PCGF2: variants seen among roughly 807,000 people sequenced by gnomAD.
PCGF2 encodes the protein polycomb group ring finger 2, also known as polycomb group RING finger protein 2.
PCGF2 carries 8 observed loss-of-function variants against 36.1 expected under a neutral mutation model. The observed-to-expected ratio is 0.22, with a 90% CI of 0.13 to 0.40. The LOEUF (loss-of-function observed/expected upper bound fraction) is 0.40. Ranked by LOEUF, PCGF2 falls within the 10% of genes least tolerant of loss-of-function variation. The pLI, the probability that PCGF2 is intolerant of heterozygous loss-of-function variation, is 1.00. For missense variants in PCGF2, 436 were observed against 475.9 expected, an observed-to-expected ratio of 0.92 and a Z score of 0.78; for synonymous variants, 198 against 191.2, an observed-to-expected ratio of 1.04 and a Z score of -0.29.
chr17:38,738,341 C>T lies in PCGF2; in HGVS notation c.576+12G>A. ...CACAGACACTCATTTTTTGAAAGGC[C>T]CAGGGACCCACCTTGTACTTGCTGG... is the stretch of plus-strand genomic sequence containing the variant. On this transcript the variant is annotated intron_variant, in intron 9 of 10. Transcript: ENST00000620225. 1 of 1,610,374 alleles carries T rather than the reference C, an allele frequency of 6.2e-7. No individual in the cohort carries two copies.
At chr17:38,744,475 C>T (rs1175113094) in intron 2 of PCGF2, among the ~76,000 whole-genome samples, 1 of 152,192 alleles carries the variant, frequency 6.6e-6, no homozygotes, top group Non-Finnish European at 1.5e-5. Context: ...CCTGCCTCAA[C>T]CTCCCAAGTA....
In PCGF2 at chr17:38,739,647, T is replaced by C. The variant is rs1567941299; in HGVS notation, c.148A>G (p.Asn50Asp). 6.2e-7 allele frequency: 1 copy of C among 1,613,936 alleles called. No homozygotes were observed. Among genetic ancestry groups the C allele is most frequent in the Admixed American group, 1.7e-5 (1 of 59,996 alleles). Residue 50 changes from asparagine (N) to aspartate (D), a missense_variant, in exon 4 of 11, where the codon AAC becomes GAC. Coordinates refer to ENST00000620225, the MANE Select transcript of PCGF2 (RefSeq NM_007144.3). This position sits in a 1 kb window ranked among gnomAD's most constrained non-coding sequence, Gnocchi z 4.0. ...ACGTCACACATGGGGCAGTATTTGT[T>C]GGTCTCCAGGTAGCGCACGATGCAG... The part of the protein sequence containing the change: ...KTCIVRYLET[N>D]KYCPMCDVQV...
At chr17:38,745,772 T>TG (rs1258916297) in intron 2 of PCGF2, among the ~76,000 whole-genome samples, 1 of 151,944 alleles carries the variant, frequency 6.6e-6, no homozygotes, top group Non-Finnish European at 1.5e-5. Flanking sequence ...AACCACTCAG[T>TG]GGGCCGCCGT....
chr17:38,736,081 C>G lies in PCGF2; in HGVS notation c.657+9G>C, dbSNP rs1456994587. 1.3e-6 allele frequency: 2 copies of G among 1,564,308 alleles called. No homozygotes were observed. Among genetic ancestry groups the G allele is most frequent in the Non-Finnish European group, 1.7e-6 (2 of 1,152,418 alleles). ...GTCTGCTCCCTGCCCGCCCCACTCG[C>G]TGGCTCACCCGCCGCCAGGGGTAGA... On this transcript the variant is annotated intron_variant, in intron 10 of 10. Coordinates refer to ENST00000620225, the MANE Select transcript of PCGF2 (RefSeq NM_007144.3).
At chr17:38,737,910 CAAAAAAA>C (rs57011839) in intron 9 of PCGF2, among the ~76,000 whole-genome samples, 1 of 89,296 alleles carries the variant, frequency 1.1e-5, no homozygotes, top group Non-Finnish European at 2.1e-5. Context: ...GACTCCATCT[CAAAAAAA>C]AAAAAAAAAA....
Position 38,734,755 on chromosome 17 carries a change from GAGAA to G in PCGF2, c.*464_*467del, listed in dbSNP as rs1906543659. ...GCCAAGATGGGGAGAGAAACGGGGA[GAGAA>G]AGAAACGATTCTAACTGACTCCTAT... On this transcript the variant is annotated 3_prime_UTR_variant, in exon 11 of 11. Transcript: ENST00000620225. 1 of 153,272 alleles carries G rather than the reference GAGAA, an allele frequency of 6.5e-6. No individual in the cohort carries two copies. The highest frequency in any genetic ancestry group is 2.4e-5 in the African/African-American group (1 of 41,460). 9.5% of individuals were successfully genotyped at this position (153,272 alleles called of 1,614,324 possible).
intron 9 of PCGF2, among the ~76,000 whole-genome samples, chr17:38,738,007 G>A (rs1199271704): frequency 6.6e-6 from 1 of 151,670 alleles, no homozygotes; most frequent in East Asian, 1.9e-4. Flanking sequence ...ATTCAAGCTT[G>A]AAAAGCTATG....
At chr17:38,740,170 A>G in intron 3 of PCGF2, 121 bp downstream of exon 3, 2 of 808,772 alleles carry the variant, frequency 2.5e-6, no homozygotes, top group Non-Finnish European at 2.0e-6. Flanking sequence ...TTCCCAGCAG[A>G]CACGTGGGCG....
At chr17:38,744,829 C>T (rs1907437360) in intron 2 of PCGF2, among the ~76,000 whole-genome samples, 1 of 152,346 alleles carries the variant, frequency 6.6e-6, no homozygotes, top group Middle Eastern at 3.4e-3. Flanking sequence ...ATCAGCCCCA[C>T]TCCCTCACTA....
chr17:38,736,503 C>T (rs1906733442), intron 9 of PCGF2, among the ~76,000 whole-genome samples: 1 of 152,150 alleles, frequency 6.6e-6, no homozygotes, highest in Admixed American at 6.5e-5. Flanking sequence ...TGGCTCTCAC[C>T]CCCAGCTGCA....
At chr17:38,741,128 C>G (rs749468102) in intron 2 of PCGF2, among the ~76,000 whole-genome samples, 1 of 151,762 alleles carries the variant, frequency 6.6e-6, no homozygotes, top group Non-Finnish European at 1.5e-5. Context: ...TGGCTCATGT[C>G]TGTAATCCCA....
intron 2 of PCGF2, among the ~76,000 whole-genome samples, chr17:38,744,952 C>T (rs1907445393): frequency 6.6e-6 from 1 of 152,216 alleles, no homozygotes; most frequent in African/African-American, 2.4e-5. Flanking sequence ...TGGTGGCTCA[C>T]ACCTGTAATC....
Position 38,740,420 on chromosome 17 carries a change from T to TGGGGGGA in PCGF2, c.-25_-19dup. ...CGATGCATGATTCCGGGGTCGGGGGTGGGGGGACTGGGGAGCGTTGCCCTG... is the reference window on the plus strand; with the variant it reads ...CGATGCATGATTCCGGGGTCGGGGGTGGGGGGAGGGGGGACTGGGGAGCGTTGCCCTG... On this transcript the variant is annotated 5_prime_UTR_variant, in exon 3 of 11. Transcript: ENST00000620225. 4.5e-6 allele frequency: 2 copies of TGGGGGGA among 445,002 alleles called. No individual in the cohort carries two copies. The highest frequency in any genetic ancestry group is 2.5e-5 in the South Asian group (1 of 40,186). 27.6% of individuals were successfully genotyped at this position (445,002 alleles called of 1,614,324 possible).
chr17:38,735,358 G>C lies in PCGF2; in HGVS notation c.900C>G (p.Pro300=), dbSNP rs535093382. The C allele has an allele frequency of 9.2e-5, 144 of 1,560,098 alleles. No individual in the cohort carries two copies. The South Asian group carries it at 1.2e-3, about 13-fold the overall frequency. The part of the protein sequence containing the change: ...HGPPATHPTS[P]TPPSTASGAT... ...CCCCACTGGCTGTCGAAGGGGGAGTGGGGGAGGTAGGGTGGGTGGCTGGAG... is the reference window on the plus strand; with the variant it reads ...CCCCACTGGCTGTCGAAGGGGGAGTCGGGGAGGTAGGGTGGGTGGCTGGAG... The change falls in exon 11 of 11, where the codon CCC becomes CCG. Residue 300 remains proline (P), a synonymous_variant. Coordinates refer to ENST00000620225, the MANE Select transcript of PCGF2 (RefSeq NM_007144.3).
intron 2 of PCGF2, among the ~76,000 whole-genome samples, chr17:38,744,938 G>C (rs2143144968): frequency 6.6e-6 from 1 of 152,276 alleles, no homozygotes. Flanking sequence ...TGTTCAGCTG[G>C]GCGTGGTGGC....
chr17:38,739,818 G>A lies in PCGF2; in HGVS notation c.113-136C>T. The A allele has an allele frequency of 1.4e-6, 1 of 703,892 alleles. No homozygotes were observed. Among genetic ancestry groups the A allele is most frequent in the African/African-American group, 1.7e-5 (1 of 57,872 alleles). 43.6% of individuals were successfully genotyped at this position (703,892 alleles called of 1,614,324 possible). A position where few individuals can be genotyped will look rare whatever the true frequency, so the allele number is the denominator to read the frequency against. Reference sequence around the variant, plus strand: ...GCTCCGAGGCCCAATGTGGCGATGTGTGTTCTGCACGTGTGGTACCTGTCC... The same window carrying A: ...GCTCCGAGGCCCAATGTGGCGATGTATGTTCTGCACGTGTGGTACCTGTCC... On this transcript the variant is annotated intron_variant, in intron 3 of 10. Transcript: ENST00000620225. The surrounding 1 kb of genome is among the most constrained non-coding windows in gnomAD (Gnocchi z 4.0).
chr17:38,736,601 A>G (rs1013627047), intron 9 of PCGF2, among the ~76,000 whole-genome samples: 13 of 150,782 alleles, frequency 8.6e-5, no homozygotes, highest in East Asian at 2.0e-4. Context: ...TTGGGAGGCC[A>G]AGGCGGGCGG....
At chr17:38,746,356 A>G (rs1172591287) in intron 2 of PCGF2, 1 of 139,502 alleles carries the variant, frequency 7.2e-6, no homozygotes, top group Non-Finnish European at 1.5e-5. Context: ...CAGCCAGACC[A>G]GAGCCAGGCC....
At chr17:38,746,057 C>A (rs778764672) in intron 2 of PCGF2, among the ~76,000 whole-genome samples, 3 of 152,080 alleles carry the variant, frequency 2.0e-5, no homozygotes, top group Non-Finnish European at 4.4e-5. Flanking sequence ...CTGTGAACCT[C>A]CCAACTTTCC....
Sources: allele counts gnomAD v4.1 joint callset (sites outside exome capture counted in the v4.1 genomes callset), GRCh38; gene constraint gnomAD v4.1.1; non-coding constraint Gnocchi (gnomAD v3.1); transcripts MANE v1.5; gene names NCBI Gene and HGNC (gene_info 2026-07-23, HGNC 2026-07-21).